Variants in NMB observed in about 807,000 individuals in gnomAD.
NMB encodes the protein neuromedin-B.
NMB carries 12 observed loss-of-function variants against 11.7 expected under a neutral mutation model. The observed-to-expected ratio is 1.03, with a 90% confidence interval of 0.66 to 1.66. NMB has a LOEUF of 1.66. NMB is among the 40% of genes most tolerant of loss of function. The pLI, the probability that NMB is intolerant of heterozygous loss-of-function variation, is 0.00. For synonymous variants in NMB, 76 were observed against 72.6 expected, an observed-to-expected ratio of 1.05 and a Z score of -0.24; for missense variants, 174 against 157.9, an observed-to-expected ratio of 1.10 and a Z score of -0.55.
chr15:84,655,720 C>T (rs1896769799), intron 2 of NMB, among the ~76,000 whole-genome samples: 1 of 152,234 alleles, frequency 6.6e-6, no homozygotes, highest in African/African-American at 2.4e-5. Context: ...CCAGACCTCA[C>T]TCTGAAGCCC....
chr15:84,658,193 G>C lies in NMB; in HGVS notation c.-41C>G, dbSNP rs1896812832. 9.2e-6 allele frequency: 13 copies of C among 1,416,592 alleles called. No homozygotes were observed. The highest frequency in any genetic ancestry group is 1.5e-5 in the African/African-American group (1 of 65,494). The allele number at this position is 1,416,592 out of a possible 1,614,324, so 87.8% of individuals were successfully genotyped here. ...GCGGCTTCGTTCGGGCGCGCTTCCC[G>C]GCCGCTGGGCTCCGGGGCTGCCTTC... On this transcript the variant is annotated 5_prime_UTR_variant, in exon 1 of 3. Coordinates refer to ENST00000360476, the MANE Select transcript of NMB (RefSeq NM_021077.4).
rs187636643 is a variant in NMB at position 84,657,051 on chromosome 15, C to T, written c.330+125G>A. On this transcript the variant is annotated intron_variant, in intron 2 of 2. Transcript: ENST00000360476. ...TGGAAACCTGGCTTTCTGGGGTCCACACCCATAATGTCCTAGTCAGACAGT... is the reference window on the plus strand; with the variant it reads ...TGGAAACCTGGCTTTCTGGGGTCCATACCCATAATGTCCTAGTCAGACAGT... The T allele has an allele frequency of 2.0e-4, 168 of 852,278 alleles. 1 individual carries two copies. Among genetic ancestry groups the T allele is most frequent in the Non-Finnish European group, 1.1e-4 (68 of 592,616 alleles). The allele number at this position is 852,278 out of a possible 1,614,324, so 52.8% of individuals were successfully genotyped here. A position where few individuals can be genotyped will look rare whatever the true frequency, so the allele number is the denominator to read the frequency against.
In NMB at chr15:84,655,269, C is replaced by A; in HGVS notation, c.*105G>T. ...AGTAATGGAGTAACAGAGATTTGAG[C>A]TCAGGATTTACATCCAGATGGGGCC... On this transcript the variant is annotated 3_prime_UTR_variant, in exon 3 of 3. Coordinates refer to ENST00000360476, the MANE Select transcript of NMB (RefSeq NM_021077.4). 1.3e-6 allele frequency: 2 copies of A among 1,599,122 alleles called. No individual in the cohort carries two copies. Among genetic ancestry groups the A allele is most frequent in the Non-Finnish European group, 1.7e-6 (2 of 1,172,088 alleles).
Position 84,658,180 on chromosome 15 carries a change from G to C in NMB, c.-28C>G. 4 of 1,429,374 alleles carry C rather than the reference G, an allele frequency of 2.8e-6. No homozygotes were observed. Among genetic ancestry groups the C allele is most frequent in the Non-Finnish European group, 3.6e-6 (4 of 1,105,974 alleles). The allele number at this position is 1,429,374 out of a possible 1,614,324, so 88.5% of individuals were successfully genotyped here. A position where few individuals can be genotyped will look rare whatever the true frequency, so the allele number is the denominator to read the frequency against. On this transcript the variant is annotated 5_prime_UTR_variant, in exon 1 of 3. Coordinates refer to ENST00000360476, the MANE Select transcript of NMB (RefSeq NM_021077.4). Reference sequence around the variant, plus strand: ...CTGTGCCCGGGCCGCGGCTTCGTTCGGGCGCGCTTCCCGGCCGCTGGGCTC... The same window carrying C: ...CTGTGCCCGGGCCGCGGCTTCGTTCCGGCGCGCTTCCCGGCCGCTGGGCTC...
At chr15:84,655,448 G>T in intron 2 of NMB, 39 bp from the exon 3 acceptor site, 17 of 1,611,724 alleles carry the variant, frequency 1.1e-5, no homozygotes, top group Non-Finnish European at 1.4e-5. Flanking sequence ...CCAGGGAGGG[G>T]CTCCTGATAA....
rs952829501 is a variant in NMB, at chr15:84,658,115, C to T, written c.38G>A (p.Ser13Asn). ...AGCGAGCAGGGCGAAGAGCAGGAGG[C>T]TGCCGAACATCCGAGCGCCCCCCGC... ...RRAGGARMFG[S>N]LLLFALLAAG... is the part of the protein sequence containing the mutation. The change falls in exon 1 of 3, where the codon AGC (serine) becomes AAC (asparagine). Residue 13 changes from serine to asparagine, a missense_variant. Transcript: ENST00000360476. The T allele has an allele frequency of 1.3e-6, 2 of 1,550,402 alleles. No homozygotes were observed. Among genetic ancestry groups the T allele is most frequent in the Non-Finnish European group, 1.7e-6 (2 of 1,156,974 alleles).
chr15:84,655,329 G>T lies in NMB; in HGVS notation c.*45C>A. 6.2e-7 allele frequency: 1 copy of T among 1,614,124 alleles called. No individual in the cohort carries two copies. The highest frequency in any genetic ancestry group is 8.5e-7 in the Non-Finnish European group (1 of 1,179,972). ...GTCCCATTCAGCACCTTCCCTGGGT[G>T]GGCACAATCTAAGCCACGCTGTTGT... is the stretch of plus-strand genomic sequence containing the variant. On this transcript the variant is annotated 3_prime_UTR_variant, in exon 3 of 3. Coordinates refer to ENST00000360476, the MANE Select transcript of NMB (RefSeq NM_021077.4).
At position 84,657,315 on chromosome 15, in the gene NMB, G is replaced by T; in HGVS notation, c.191C>A (p.Ser64Tyr). 6.4e-7 allele frequency: 1 copy of T among 1,573,884 alleles called. No homozygotes were observed. The highest frequency in any genetic ancestry group is 8.6e-7 in the Non-Finnish European group (1 of 1,159,482). Residue 64 changes from serine to tyrosine, a missense_variant, in exon 2 of 3, where the codon TCC (serine) becomes TAC (tyrosine). Physicochemically the swap from Ser to Tyr is moderately radical, Grantham distance 144 (BLOSUM62 -2). Coordinates refer to ENST00000360476, the MANE Select transcript of NMB (RefSeq NM_021077.4). ...AGCTGTCCCCAATGGGGATGGGCTGGAAGGCTCCAGACTCTTCTTGCCCAT... is the reference window on the plus strand; with the variant it reads ...AGCTGTCCCCAATGGGGATGGGCTGTAAGGCTCCAGACTCTTCTTGCCCAT... ...HFMGKKSLEPSSPSPLGTAPH... is the reference protein window; with the variant it reads ...HFMGKKSLEPYSPSPLGTAPH...
chr15:84,657,691 G>A (rs1248507759), intron 1 of NMB, among the ~76,000 whole-genome samples: 1 of 152,160 alleles, frequency 6.6e-6, no homozygotes, highest in Non-Finnish European at 1.5e-5. Context: ...CTGGAAAGTG[G>A]AGGTGCAGCA....
rs747964381 is a variant in NMB, at chr15:84,658,190, C to T, written c.-38G>A. The stretch of plus-strand genomic sequence containing the variant: ...GCCGCGGCTTCGTTCGGGCGCGCTT[C>T]CCGGCCGCTGGGCTCCGGGGCTGCC... On this transcript the variant is annotated 5_prime_UTR_variant, in exon 1 of 3. Coordinates refer to ENST00000360476, the MANE Select transcript of NMB (RefSeq NM_021077.4). The T allele has an allele frequency of 7.0e-7, 1 of 1,419,638 alleles. No individual in the cohort carries two copies. The highest frequency in any genetic ancestry group is 1.5e-5 in the South Asian group (1 of 67,286). The allele number at this position is 1,419,638 out of a possible 1,614,324, so 87.9% of individuals were successfully genotyped here.
At position 84,657,265 on chromosome 15, in the gene NMB, G is replaced by C. The variant is rs756708582; in HGVS notation, c.241C>G (p.Arg81Gly). The change falls in exon 2 of 3, where the codon CGA (arginine) becomes GGA (glycine). Residue 81 changes from arginine (R) to glycine (G), a missense_variant. Coordinates refer to ENST00000360476, the MANE Select transcript of NMB (RefSeq NM_021077.4). ...TAPHTSLRDQ[R>G]LQLSHDLLGI... ...AGCAGATCATGACTCAGCTGCAGTC[G>C]CTGGTCCCTCAGGGAGGTGTGGGGA... 2 of 1,607,822 alleles carry C rather than the reference G, an allele frequency of 1.2e-6. No homozygotes were observed. The highest frequency in any genetic ancestry group is 2.2e-5 in the South Asian group (2 of 89,634).
Position 84,657,241 on chromosome 15 carries a change from G to A in NMB, c.265C>T (p.Leu89Phe). Residue 89 changes from leucine to phenylalanine, a missense_variant, in exon 2 of 3, where the codon CTC (leucine) becomes TTC (phenylalanine). Leu to Phe is a conservative substitution (Grantham distance 22, BLOSUM62 0). Transcript: ENST00000360476. Reference sequence around the variant, plus strand: ...GCCTTCTTTAGCAGGAGGATTCCGAGCAGATCATGACTCAGCTGCAGTCGC... The same window carrying A: ...GCCTTCTTTAGCAGGAGGATTCCGAACAGATCATGACTCAGCTGCAGTCGC... ...DQRLQLSHDLLGILLLKKALG... is the reference protein window; with the variant it reads ...DQRLQLSHDLFGILLLKKALG... The A allele has an allele frequency of 6.2e-7, 1 of 1,611,114 alleles. No individual in the cohort carries two copies.
chr15:84,655,894 C>T (rs1217930048), intron 2 of NMB, among the ~76,000 whole-genome samples: 3 of 152,166 alleles, frequency 2.0e-5, no homozygotes, highest in African/African-American at 7.2e-5. Context: ...TTCTGTGCCT[C>T]AGGAAGTCAG....
chr15:84,658,052 G>T lies in NMB; in HGVS notation c.101C>A (p.Pro34His), dbSNP rs1896808219. 1 of 1,590,904 alleles carries T rather than the reference G, an allele frequency of 6.3e-7. No homozygotes were observed. Among genetic ancestry groups the T allele is most frequent in the Non-Finnish European group, 8.5e-7 (1 of 1,171,216 alleles). The change falls in exon 1 of 3, where the codon CCC becomes CAC. Residue 34 changes from proline (P) to histidine (H), a missense_variant. Pro to His is a moderately conservative substitution (Grantham distance 77). Around this residue, in one of 2 missense-constraint regions of NMB, gnomAD observed 168 missense variants for 138.4 expected, o/e 1.21. Transcript: ENST00000360476. ...VAPLSWDLPE[P>H]RSRASKIRVH... is the part of the protein sequence containing the mutation. ...TCGGATCTTGCTGGCTCGGCTGCGGGGCTCCGGGAGATCCCAGCTGAGCGG... is the reference window on the plus strand; with the variant it reads ...TCGGATCTTGCTGGCTCGGCTGCGGTGCTCCGGGAGATCCCAGCTGAGCGG...
At chr15:84,657,782 A>T (rs1025888728) in intron 1 of NMB, among the ~76,000 whole-genome samples, 1 of 152,188 alleles carries the variant, frequency 6.6e-6, no homozygotes, top group African/African-American at 2.4e-5. Context: ...TTTAGGATCT[A>T]GCCCAGCCCT....
intron 2 of NMB, among the ~76,000 whole-genome samples, chr15:84,656,927 T>C (rs1896789539): frequency 6.6e-6 from 1 of 152,072 alleles, no homozygotes; most frequent in African/African-American, 2.4e-5. Flanking sequence ...TCAGGGGAAC[T>C]TCTTTCCCTA....
chr15:84,657,201 A>C lies in NMB; in HGVS notation c.305T>G (p.Leu102Arg). 6.2e-7 allele frequency: 1 copy of C among 1,611,472 alleles called. No individual in the cohort carries two copies. The highest frequency in any genetic ancestry group is 8.5e-7 in the Non-Finnish European group (1 of 1,179,146). ...LLLKKALGVS[L>R]SRPAPQIQYR... ...CTGGATTTGGGGTGCGGGGCGGCTGAGGCTCACGCCCAGAGCCTTCTTTAG... is the reference window on the plus strand; with the variant it reads ...CTGGATTTGGGGTGCGGGGCGGCTGCGGCTCACGCCCAGAGCCTTCTTTAG... Residue 102 changes from leucine to arginine, a missense_variant, in exon 2 of 3, where the codon CTC (leucine) becomes CGC (arginine). This residue lies in a region of NMB where 168 missense variants were observed against 138.4 expected (regional missense o/e 1.21). Coordinates refer to ENST00000360476, the MANE Select transcript of NMB (RefSeq NM_021077.4).
At position 84,657,363 on chromosome 15, in the gene NMB, T is replaced by C. The variant is rs779646343; in HGVS notation, c.158-15A>G. On this transcript the variant is annotated splice_polypyrimidine_tract_variant and intron_variant, in intron 1 of 2. Transcript: ENST00000360476. ...CATGAAGTGACCTGGAAAGGAGGTG[T>C]CCAGGCACAAGGAAGTCAAGCAGCC... The C allele has an allele frequency of 2.0e-6, 3 of 1,473,156 alleles. No individual in the cohort carries two copies. The South Asian group carries it at 4.1e-5, about 20-fold the overall frequency. 91.3% of individuals were successfully genotyped at this position (1,473,156 alleles called of 1,614,324 possible).
intron 2 of NMB, 101 bp from the exon 3 acceptor site, chr15:84,655,510 A>C: frequency 6.7e-7 from 1 of 1,487,216 alleles, no homozygotes. Flanking sequence ...AGAGGTGGGC[A>C]CCAGCAGGCT....
Sources: allele counts gnomAD v4.1 joint callset (sites outside exome capture counted in the v4.1 genomes callset), GRCh38; gene constraint gnomAD v4.1.1; regional missense constraint gnomAD v4.1.1; transcripts MANE v1.5; gene names NCBI Gene and HGNC (gene_info 2026-07-23, HGNC 2026-07-21).